Variants in CCDC85C observed in about 807,000 individuals in gnomAD.
CCDC85C encodes the protein coiled-coil domain-containing protein 85C.
Under a neutral mutation model 38.3 loss-of-function variants are expected in CCDC85C, and 18 were observed. The ratio of observed to expected loss-of-function variants is 0.47; its 90% confidence interval spans 0.33 to 0.70. CCDC85C has a LOEUF of 0.70. Among genes scored for constraint, CCDC85C ranks in the 30% least tolerant of loss-of-function variants. The pLI, the probability that CCDC85C is intolerant of heterozygous loss-of-function variation, is 0.03. For missense variants in CCDC85C, 566 were observed against 621.2 expected (o/e 0.91, Z 0.94); for synonymous variants, 264 against 293.8 (o/e 0.90, Z 1.04).
chr14:99,519,702 T>G (rs1037248277), intron 3 of CCDC85C, among the ~76,000 whole-genome samples: 9 of 152,132 alleles, frequency 5.9e-5, no homozygotes, highest in Admixed American at 4.6e-4. Flanking sequence ...ACCCACACAA[T>G]GGAATAGTAT....
chr14:99,510,547 C>T lies in CCDC85C; in HGVS notation c.*4699G>A, dbSNP rs1470888312. 2 of 444,738 alleles carry T rather than the reference C, an allele frequency of 4.5e-6. No homozygotes were observed. The highest frequency in any genetic ancestry group is 3.1e-5 in the Admixed American group (1 of 32,328). The allele number at this position is 444,738 out of a possible 1,614,324, so 27.5% of individuals were successfully genotyped here. ...CCCCCACCTGCCATCCCACCCCCTA[C>T]TCCTGGCTACCCCCCACCCCCACCC... On this transcript the variant is annotated 3_prime_UTR_variant, in exon 6 of 6. Coordinates refer to ENST00000380243, the MANE Select transcript of CCDC85C (RefSeq NM_001144995.2).
In CCDC85C at chr14:99,603,194, G is replaced by A. The variant is rs1318325539; in HGVS notation, c.766C>T (p.His256Tyr). The A allele has an allele frequency of 4.2e-6, 6 of 1,421,092 alleles. No individual in the cohort carries two copies. The East Asian group carries it at 1.5e-4, about 36-fold the overall frequency. 88.0% of individuals were successfully genotyped at this position (1,421,092 alleles called of 1,614,324 possible). ...TGCAGGCCGTTGGGGATGCTGCGGT[G>A]GTGCGGCGGCGCCGACAAGTCGTCC... ...SLDDLSAPPH[H>Y]RSIPNGLHDP... is the part of the protein sequence containing the mutation. The change falls in exon 1 of 6, where the codon CAC (histidine) becomes TAC (tyrosine). Residue 256 changes from histidine to tyrosine, a missense_variant. His to Tyr is a moderately conservative substitution (Grantham distance 83). Transcript: ENST00000380243. The surrounding 1 kb of genome is among the most constrained non-coding windows in gnomAD (Gnocchi z 7.5).
Position 99,515,286 on chromosome 14 carries a change from C to T in CCDC85C, c.1220G>A (p.Arg407Gln), listed in dbSNP as rs1471348180. The part of the protein sequence containing the change: ...GDAASSKPSI[R>Q]QHLSGNQFKG... ...GAACTGGTTCCCAGACAGGTGCTGC[C>T]GTATGGAGGGCTTGGAGCTGGCTGC... The change falls in exon 6 of 6, where the codon CGG becomes CAG. Residue 407 changes from arginine (R) to glutamine (Q), a missense_variant. Around this residue, in one of 3 missense-constraint regions of CCDC85C, gnomAD observed 286 missense variants for 276.4 expected, o/e 1.03. Transcript: ENST00000380243. The T allele has an allele frequency of 3.2e-6, 5 of 1,550,898 alleles. No homozygotes were observed. Among genetic ancestry groups the T allele is most frequent in the Non-Finnish European group, 4.4e-6 (5 of 1,146,824 alleles).
At chr14:99,521,462 G>A (rs193284764) in intron 3 of CCDC85C, among the ~76,000 whole-genome samples, 54 of 152,256 alleles carry the variant, frequency 3.5e-4, no homozygotes, top group African/African-American at 1.2e-3. Context: ...ACAAGCGCAC[G>A]TGCTGCCCAA....
chr14:99,560,344 C>T (rs557161408), intron 1 of CCDC85C, among the ~76,000 whole-genome samples: 249 of 152,318 alleles, frequency 1.6e-3, no homozygotes, highest in Non-Finnish European at 2.9e-3. Flanking sequence ...GCCCATGAAT[C>T]TTCTGGGCCT....
At chr14:99,602,820 C>G (rs2055215986) in intron 1 of CCDC85C, among the ~76,000 whole-genome samples, 1 of 152,206 alleles carries the variant, frequency 6.6e-6, no homozygotes, top group Non-Finnish European at 1.5e-5. Flanking sequence ...GAACTTCCCG[C>G]TACTAGGCAA....
intron 5 of CCDC85C, 36 bp from the exon 6 acceptor site, chr14:99,515,371 A>T (rs1595335136): frequency 6.8e-7 from 1 of 1,464,042 alleles, no homozygotes. Context: ...GGTGGGACTC[A>T]CCCGCGTCCA....
intron 2 of CCDC85C, among the ~76,000 whole-genome samples, chr14:99,528,743 C>T (rs1050066656): frequency 1.4e-4 from 21 of 152,202 alleles, no homozygotes; most frequent in African/African-American, 4.8e-4. Flanking sequence ...CCCACAAGAG[C>T]TACACAGTCA....
chr14:99,572,079 C>T lies in CCDC85C; in HGVS notation c.793+31088G>A, dbSNP rs1261977752. On this transcript the variant is annotated intron_variant, in intron 1 of 5. Coordinates refer to ENST00000380243, the MANE Select transcript of CCDC85C (RefSeq NM_001144995.2). This position sits in a 1 kb window ranked among gnomAD's most constrained non-coding sequence, Gnocchi z 4.4. The stretch of plus-strand genomic sequence containing the variant: ...TGATCCCCAGAGCCCCCAACCCTAA[C>T]CCAGCACCCGCAAGTCTCTGGAAGG... Among the ~76,000 whole-genome samples the T allele has an allele frequency of 2.0e-5, 3 of 152,178 alleles. No homozygotes were observed. Among genetic ancestry groups the T allele is most frequent in the Admixed American group, 6.5e-5 (1 of 15,284 alleles).
intron 1 of CCDC85C, among the ~76,000 whole-genome samples, chr14:99,602,847 G>A (rs1203599907): frequency 6.6e-6 from 1 of 152,216 alleles, no homozygotes; most frequent in African/African-American, 2.4e-5. Context: ...CCAAGGCTGG[G>A]ATGAGGCGCC....
At chr14:99,561,786 G>C (rs1307822125) in intron 1 of CCDC85C, among the ~76,000 whole-genome samples, 1 of 152,200 alleles carries the variant, frequency 6.6e-6, no homozygotes, top group African/African-American at 2.4e-5. Context: ...GGGGGCAGAG[G>C]AGGGATGCCA....
At chr14:99,519,203 C>G (rs1271541930) in intron 3 of CCDC85C, among the ~76,000 whole-genome samples, 1 of 141,570 alleles carries the variant, frequency 7.1e-6, no homozygotes, top group African/African-American at 2.6e-5. Context: ...GCAGCCTTGA[C>G]CTCCCAGGCT....
chr14:99,552,016 A>G (rs1370189120), intron 1 of CCDC85C, among the ~76,000 whole-genome samples: 1 of 152,206 alleles, frequency 6.6e-6, no homozygotes, highest in Non-Finnish European at 1.5e-5. Flanking sequence ...GAGGAGGCCA[A>G]GGAGGATGGC....
At position 99,502,203 on chromosome 14, in the gene CCDC85C, C is replaced by G. The variant is rs771021950; in HGVS notation, c.*13043G>C. 8 of 1,572,926 alleles carry G rather than the reference C, an allele frequency of 5.1e-6. No individual in the cohort carries two copies. Among genetic ancestry groups the G allele is most frequent in the Admixed American group, 3.8e-5 (2 of 53,260 alleles). On this transcript the variant is annotated 3_prime_UTR_variant, in exon 6 of 6. Coordinates refer to ENST00000380243, the MANE Select transcript of CCDC85C (RefSeq NM_001144995.2). Reference sequence around the variant, plus strand: ...TCTAACCTTTTTTTTTCTTGTTGAACTAGTCTCTGCACCACCTTGTCACTG... The same window carrying G: ...TCTAACCTTTTTTTTTCTTGTTGAAGTAGTCTCTGCACCACCTTGTCACTG...
chr14:99,520,888 A>G lies in CCDC85C; in HGVS notation c.975+1245T>C, dbSNP rs1370158666. Among the ~76,000 whole-genome samples, 3 of 152,262 alleles carry G rather than the reference A, an allele frequency of 2.0e-5. No individual in the cohort carries two copies. Among genetic ancestry groups the G allele is most frequent in the Non-Finnish European group, 4.4e-5 (3 of 68,044 alleles). Reference sequence around the variant, plus strand: ...CTTTCCCAAGGCTGCCTCCTCCAGGAAGCCTTCCTGAACATTCCTGAACTC... The same window carrying G: ...CTTTCCCAAGGCTGCCTCCTCCAGGGAGCCTTCCTGAACATTCCTGAACTC... On this transcript the variant is annotated intron_variant, in intron 3 of 5. Transcript: ENST00000380243. This position sits in a 1 kb window ranked among gnomAD's most constrained non-coding sequence, Gnocchi z 4.1.
rs577525538 is a variant in CCDC85C, at chr14:99,503,126, C to T, written c.*12120G>A. ...CGAAACTCGCAGTCCGACTGCTTGT[C>T]GGTGGGGAGCCTGAAAACAAAGGTG... is the stretch of plus-strand genomic sequence containing the variant. On this transcript the variant is annotated 3_prime_UTR_variant, in exon 6 of 6. Coordinates refer to ENST00000380243, the MANE Select transcript of CCDC85C (RefSeq NM_001144995.2). 33 of 957,250 alleles carry T rather than the reference C, an allele frequency of 3.4e-5. No homozygotes were observed. In the Admixed American group the frequency reaches 3.7e-4, roughly 11 times the overall value. 59.3% of individuals were successfully genotyped at this position (957,250 alleles called of 1,614,324 possible).
chr14:99,592,558 G>C (rs758099480), intron 1 of CCDC85C, among the ~76,000 whole-genome samples: 1 of 152,190 alleles, frequency 6.6e-6, no homozygotes, highest in Non-Finnish European at 1.5e-5. Context: ...ACAATCCCAG[G>C]GGGAAATCAG....
chr14:99,577,627 T>C (rs901460304), intron 1 of CCDC85C, among the ~76,000 whole-genome samples: 1 of 152,062 alleles, frequency 6.6e-6, no homozygotes, highest in African/African-American at 2.4e-5. Context: ...TGCGAGTGCA[T>C]GTGTGTGTGC....
chr14:99,519,130 T>TAA (rs1897270219), intron 3 of CCDC85C, among the ~76,000 whole-genome samples: 1 of 108,858 alleles, frequency 9.2e-6, no homozygotes, highest in Non-Finnish European at 1.9e-5. Flanking sequence ...TTTTTTTTTT[T>TAA]TGAGTGAGAG....
Sources: allele counts gnomAD v4.1 joint callset (sites outside exome capture counted in the v4.1 genomes callset), GRCh38; gene constraint gnomAD v4.1.1; regional missense constraint gnomAD v4.1.1; non-coding constraint Gnocchi (gnomAD v3.1); transcripts MANE v1.5; gene names NCBI Gene and HGNC (gene_info 2026-07-23, HGNC 2026-07-21).